The following ARID1A variants were observed in gnomAD, a reference collection of about 807,000 sequenced individuals.
The protein encoded by ARID1A is AT-rich interaction domain 1A, also known as AT-rich interactive domain-containing protein 1A.
A neutral mutation model predicts 212.6 loss-of-function variants in ARID1A; 20 were observed. The ratio of observed to expected loss-of-function variants is 0.09; its 90% CI spans 0.07 to 0.14. ARID1A has a LOEUF of 0.14. Ranked by LOEUF, ARID1A falls within the 10% of genes least tolerant of loss-of-function variation. The pLI is 1.00. For missense variants in ARID1A, 2,587 were observed against 3,059.0 expected, an observed-to-expected ratio of 0.85 and a Z score of 3.64; for synonymous variants, 1,376 against 1,222.1, an observed-to-expected ratio of 1.13 and a Z score of -2.63.
chr1:26,729,914 T>C (rs1229825697), intron 2 of ARID1A, 51 bp downstream of exon 2: 1 of 1,581,532 alleles, frequency 6.3e-7, no homozygotes, highest in South Asian at 1.1e-5. Flanking sequence ...CAAAATCTGA[T>C]CTGTGAGCTA....
intron 1 of ARID1A, among the ~76,000 whole-genome samples, chr1:26,715,540 A>G (rs1429127741): frequency 6.6e-6 from 1 of 152,256 alleles, no homozygotes; most frequent in Middle Eastern, 3.4e-3. Flanking sequence ...CATGGGGACA[A>G]ATTTTCTAAT....
intron 19 of ARID1A, among the ~76,000 whole-genome samples, chr1:26,776,960 T>A (rs1428754449): frequency 6.6e-6 from 1 of 152,148 alleles, no homozygotes; most frequent in Non-Finnish European, 1.5e-5. Flanking sequence ...AAAGGAAAAA[T>A]TTTGATAGAG....
At position 26,696,958 on chromosome 1, in the gene ARID1A, G is replaced by T; in HGVS notation, c.555G>T (p.Gln185His). The change falls in exon 1 of 20, where the codon CAG becomes CAT. Residue 185 changes from glutamine (Q) to histidine (H), a missense_variant. Around this residue, in one of 11 missense-constraint regions of ARID1A, gnomAD observed 735 missense variants for 590.6 expected, o/e 1.24. Transcript: ENST00000324856. ...GQQSPGLAAL[Q>H]SGGGGGLEPY... ...AAAGCCCTGGCCTGGCAGCGCTGCA[G>T]AGCGGCGGCGGCGGGGGCCTGGAGC... 3.4e-6 allele frequency: 5 copies of T among 1,473,502 alleles called. No individual in the cohort carries two copies. The highest frequency in any genetic ancestry group is 1.4e-5 in the South Asian group (1 of 71,892). The allele number at this position is 1,473,502 out of a possible 1,614,324, so 91.3% of individuals were successfully genotyped here.
rs145004598 is a variant in ARID1A, at chr1:26,780,150, C to T, written c.6252C>T (p.Val2084=). The T allele has an allele frequency of 6.2e-7, 1 of 1,614,142 alleles. No individual in the cohort carries two copies. The highest frequency in any genetic ancestry group is 1.7e-5 in the Admixed American group (1 of 60,020). ...ACCCCGAGAGCATTTGCCTGCCTGT[C>T]CTGGACGGACTCCTACACTGGGCAG... The part of the protein sequence containing the change: ...SPYPESICLP[V]LDGLLHWAVC... The change falls in exon 20 of 20, where the codon GTC becomes GTT. Residue 2084 remains valine (V), a synonymous_variant. Transcript: ENST00000324856. This position sits in a 1 kb window ranked among gnomAD's most constrained non-coding sequence, Gnocchi z 7.2.
chr1:26,709,864 GCT>G (rs144996339), intron 1 of ARID1A, among the ~76,000 whole-genome samples: 36 of 148,568 alleles, frequency 2.4e-4, no homozygotes, highest in Non-Finnish European at 5.2e-4. Flanking sequence ...ACAGAATCTC[GCT>G]CTGTCGGCCA....
At position 26,728,572 on chromosome 1, in the gene ARID1A, C is replaced by G. The variant is rs572675087; in HGVS notation, c.1138-1079C>G. 2.6e-4 allele frequency among the ~76,000 whole-genome samples: 39 copies of G among 152,258 alleles called. 1 individual carries two copies. The South Asian group carries it at 6.9e-3, about 27-fold the overall frequency. On this transcript the variant is annotated intron_variant, in intron 1 of 19. Transcript: ENST00000324856. The stretch of plus-strand genomic sequence containing the variant: ...GTTTTAACAAGCCTTTCAAGTGATT[C>G]TGATGCATGCTAAAATCAATGAACC...
chr1:26,776,082 C>G (rs887538425), intron 19 of ARID1A: 2 of 363,262 alleles, frequency 5.5e-6, no homozygotes, highest in Admixed American at 3.7e-5. Context: ...CTCCTGAGTT[C>G]AAGTGATCCT....
intron 4 of ARID1A, among the ~76,000 whole-genome samples, chr1:26,753,676 G>T (rs899052018): frequency 6.6e-6 from 1 of 152,202 alleles, no homozygotes; most frequent in African/African-American, 2.4e-5. Context: ...CTCTCAGCAG[G>T]ATTATACTTG....
chr1:26,697,844 C>G (rs2080291895), intron 1 of ARID1A, among the ~76,000 whole-genome samples: 1 of 102,484 alleles, frequency 9.8e-6, no homozygotes, highest in East Asian at 3.0e-4. Flanking sequence ...AAGGGCCTGG[C>G]CGGGGGTGAG....
rs1451331560 is a variant in ARID1A at position 26,731,615 on chromosome 1, C to G, written c.1803+11C>G. On this transcript the variant is annotated intron_variant, in intron 3 of 19. Transcript: ENST00000324856. Reference sequence around the variant, plus strand: ...TTCCCTCCACCGCAGGTAAGATATCCCTGCCTCCTGCCCTTCCCTGTGTGT... The same window carrying G: ...TTCCCTCCACCGCAGGTAAGATATCGCTGCCTCCTGCCCTTCCCTGTGTGT... The G allele has an allele frequency of 6.2e-7, 1 of 1,610,946 alleles. No homozygotes were observed. Among genetic ancestry groups the G allele is most frequent in the East Asian group, 2.2e-5 (1 of 44,838 alleles).
In ARID1A at chr1:26,781,272, C is replaced by A; in HGVS notation, c.*516C>A. 4.2e-6 allele frequency: 1 copy of A among 235,294 alleles called. No homozygotes were observed. Among genetic ancestry groups the A allele is most frequent in the Non-Finnish European group, 8.4e-6 (1 of 119,502 alleles). 14.6% of individuals were successfully genotyped at this position (235,294 alleles called of 1,614,324 possible). A position where few individuals can be genotyped will look rare whatever the true frequency, so the allele number is the denominator to read the frequency against. ...ACAATCTTGCAGGAGCCAAGAAGTT[C>A]GCAGTTGTGAACAGACCCTGTTCAC... On this transcript the variant is annotated 3_prime_UTR_variant, in exon 20 of 20. Coordinates refer to ENST00000324856, the MANE Select transcript of ARID1A (RefSeq NM_006015.6).
At chr1:26,775,733 T>G in intron 19 of ARID1A, 26 bp downstream of exon 19, 2 of 1,614,020 alleles carry the variant, frequency 1.2e-6, no homozygotes, top group South Asian at 1.1e-5. Flanking sequence ...TGGGGAAGAT[T>G]GAGAGGGTTT....
At chr1:26,741,665 A>T (rs2080789400) in intron 4 of ARID1A, among the ~76,000 whole-genome samples, 1 of 152,206 alleles carries the variant, frequency 6.6e-6, no homozygotes, top group Non-Finnish European at 1.5e-5. Flanking sequence ...GTTGTTGAAG[A>T]TTGGATCATA....
chr1:26,731,769 A>G (rs189321436), intron 3 of ARID1A, among the ~76,000 whole-genome samples, 165 bp downstream of exon 3: 3 of 152,374 alleles, frequency 2.0e-5, no homozygotes, highest in East Asian at 3.9e-4. Context: ...TAATAAAGGC[A>G]TAACCTCCTT....
chr1:26,741,730 GAGAACAGA>G (rs1363010541), intron 4 of ARID1A, among the ~76,000 whole-genome samples: 1 of 152,178 alleles, frequency 6.6e-6, no homozygotes, highest in Non-Finnish European at 1.5e-5. Context: ...GAGGGAGGTG[GAGAACAGA>G]ATTAGGATCT....
rs552473181 is a variant in ARID1A at position 26,745,506 on chromosome 1, A to G, written c.1920+12714A>G. ...GTTTTTAAGCTTTTTAACCTCTACA[A>G]TTAGAGAAAGAATAGAATGGAGGCT... On this transcript the variant is annotated intron_variant, in intron 4 of 19. Coordinates refer to ENST00000324856, the MANE Select transcript of ARID1A (RefSeq NM_006015.6). Among the ~76,000 whole-genome samples, 23 of 152,312 alleles carry G rather than the reference A, an allele frequency of 1.5e-4. No homozygotes were observed. In the East Asian group the frequency reaches 3.9e-3, roughly 26 times the overall value.
Position 26,775,154 on chromosome 1 carries a change from C to G in ARID1A, c.4927C>G (p.Pro1643Ala), listed in dbSNP as rs1454897845. 9 of 1,613,318 alleles carry G rather than the reference C, an allele frequency of 5.6e-6. No individual in the cohort carries two copies. The Admixed American group carries it at 1.5e-4, about 27-fold the overall frequency. The change falls in exon 18 of 20, where the codon CCT (proline) becomes GCT (alanine). Residue 1643 changes from proline (P) to alanine (A), a missense_variant. Transcript: ENST00000324856. ...GATTCGGCGGGATATCACCTTCCCA[C>G]CTGGCTCTGTTGAAGCCACACAGCC... Reference protein sequence around the residue: ...PMIRRDITFPPGSVEATQPVL... With the variant: ...PMIRRDITFPAGSVEATQPVL...
intron 4 of ARID1A, among the ~76,000 whole-genome samples, chr1:26,746,632 G>A (rs113265167): frequency 1.3e-5 from 2 of 152,182 alleles, no homozygotes; most frequent in Non-Finnish European, 2.9e-5. Context: ...AGTGGCTCAC[G>A]CCTGTAATCC....
At chr1:26,768,139 C>A (rs1482043466) in intron 11 of ARID1A, 140 bp downstream of exon 11, 12 of 964,630 alleles carry the variant, frequency 1.2e-5, no homozygotes, top group Middle Eastern at 3.3e-4. Flanking sequence ...ATTGATAGAC[C>A]GGGGAGCACA....
Sources: gnomAD v4.1 joint callset for allele counts (sites outside exome capture counted in the v4.1 genomes callset) on GRCh38, gnomAD v4.1.1 for gene constraint, gnomAD v4.1.1 regional missense constraint, Gnocchi (gnomAD v3.1) non-coding constraint, MANE v1.5 for transcripts, NCBI Gene and HGNC (gene_info 2026-07-23, HGNC 2026-07-21) for gene names.